DNAH14: variants seen among roughly 807,000 people sequenced by gnomAD.
DNAH14 encodes the protein dynein axonemal heavy chain 14.
A neutral mutation model predicts 520.9 loss-of-function variants in DNAH14; 478 were observed. The observed-to-expected ratio is 0.92, with a 90% CI of 0.85 to 0.99. DNAH14 has a LOEUF of 0.99. Ranked by LOEUF, DNAH14 falls within the 50% of genes least tolerant of loss-of-function variation. The pLI is 0.00. For missense variants in DNAH14, 4,831 were observed against 5,234.5 expected (o/e 0.92, Z 2.38); for synonymous variants, 1,581 against 1,757.2 (o/e 0.90, Z 2.51).
intron 23 of DNAH14, among the ~76,000 whole-genome samples, chr1:225,102,791 C>T (rs1453705324): frequency 6.6e-6 from 1 of 152,054 alleles, no homozygotes; most frequent in Non-Finnish European, 1.5e-5. Context: ...TGGATATTAG[C>T]CCTTTGTTAG....
At position 225,043,016 on chromosome 1, in the gene DNAH14, A is replaced by T; in HGVS notation, c.1670A>T (p.Asn557Ile). ...CVMFEDEMSE[N>I]KDNCVKKHSS... The stretch of plus-strand genomic sequence containing the variant: ...ATGTTTGAAGATGAAATGTCAGAAA[A>T]TAAAGACAATTGTGTCAAAAAACAC... The change falls in exon 13 of 86, where the codon AAT becomes ATT. Residue 557 changes from asparagine (N) to isoleucine (I), a missense_variant. Transcript: ENST00000682510. The T allele has an allele frequency of 6.4e-7, 1 of 1,551,874 alleles. No homozygotes were observed. Among genetic ancestry groups the T allele is most frequent in the Non-Finnish European group, 8.7e-7 (1 of 1,147,034 alleles).
intron 55 of DNAH14, among the ~76,000 whole-genome samples, chr1:225,296,340 G>A (rs2094005474): frequency 1.3e-5 from 2 of 152,232 alleles, no homozygotes; most frequent in Middle Eastern, 3.4e-3. Context: ...GATTATCGGG[G>A]TCAAACACCG....
intron 11 of DNAH14, 197 bp downstream of exon 11, chr1:225,024,062 C>T: frequency 8.3e-7 from 1 of 1,201,704 alleles, no homozygotes; most frequent in Non-Finnish European, 1.0e-6. Flanking sequence ...ATAGGATGCG[C>T]AGTAAAATTT....
intron 38 of DNAH14, 122 bp downstream of exon 38, chr1:225,193,033 T>C: frequency 1.3e-6 from 1 of 755,978 alleles, no homozygotes; most frequent in Non-Finnish European, 2.0e-6. Flanking sequence ...TTTTAAAATC[T>C]TATGAATAGT....
chr1:225,386,910 C>T (rs1276383835), intron 81 of DNAH14, among the ~76,000 whole-genome samples: 4 of 152,200 alleles, frequency 2.6e-5, no homozygotes, highest in Non-Finnish European at 5.9e-5. Flanking sequence ...ATAAAGCATG[C>T]TGCTATAATA....
intron 73 of DNAH14, 21 bp downstream of exon 73, chr1:225,353,909 A>G: frequency 7.8e-7 from 1 of 1,280,848 alleles, no homozygotes; most frequent in Non-Finnish European, 1.1e-6. Flanking sequence ...TTATGAGGAA[A>G]TATTAATATT....
intron 42 of DNAH14, among the ~76,000 whole-genome samples, chr1:225,236,944 C>T (rs1406536635): frequency 1.3e-5 from 2 of 152,016 alleles, no homozygotes; most frequent in South Asian, 2.1e-4. Flanking sequence ...ATATGTAATG[C>T]CCTTCTTTGT....
chr1:225,138,631 G>T (rs546598794), intron 27 of DNAH14, among the ~76,000 whole-genome samples: 2 of 152,190 alleles, frequency 1.3e-5, no homozygotes, highest in Non-Finnish European at 2.9e-5. Context: ...AGCCCTGGTG[G>T]CATGGGCTTA....
chr1:225,270,928 G>A (rs1000622529), intron 50 of DNAH14, 62 bp downstream of exon 50: 13 of 1,464,740 alleles, frequency 8.9e-6, no homozygotes, highest in East Asian at 5.0e-5. Flanking sequence ...GGAAAAATAC[G>A]AGAACTTAAA....
intron 69 of DNAH14, among the ~76,000 whole-genome samples, chr1:225,341,854 GC>G: frequency 6.6e-6 from 1 of 152,228 alleles, no homozygotes; most frequent in South Asian, 2.1e-4. Flanking sequence ...ACAATGGACT[GC>G]CTTTCTATTT....
At chr1:225,000,268 T>A (rs1325069979) in intron 8 of DNAH14, among the ~76,000 whole-genome samples, 1 of 152,184 alleles carries the variant, frequency 6.6e-6, no homozygotes, top group Non-Finnish European at 1.5e-5. Flanking sequence ...GTTTTTCTCC[T>A]ATGGATAAAG....
chr1:225,175,168 T>A (rs1314024073), intron 36 of DNAH14, among the ~76,000 whole-genome samples: 1 of 152,196 alleles, frequency 6.6e-6, no homozygotes, highest in African/African-American at 2.4e-5. Flanking sequence ...GGTGTTGATA[T>A]CAGAGTAATG....
chr1:225,338,215 C>T (rs757022178), intron 68 of DNAH14, 33 bp downstream of exon 68: 6 of 1,550,836 alleles, frequency 3.9e-6, no homozygotes, highest in Non-Finnish European at 5.2e-6. Context: ...AGTCAAATGT[C>T]TATGCTTTTT....
chr1:225,283,721 CA>C (rs1345118812), intron 54 of DNAH14, among the ~76,000 whole-genome samples: 1 of 152,030 alleles, frequency 6.6e-6, no homozygotes, highest in Non-Finnish European at 1.5e-5. Flanking sequence ...CTAACAACAG[CA>C]AAACACATAT....
intron 82 of DNAH14, among the ~76,000 whole-genome samples, chr1:225,389,066 T>G (rs2095873874): frequency 6.6e-6 from 1 of 152,220 alleles, no homozygotes; most frequent in Non-Finnish European, 1.5e-5. Context: ...CCACATGTAA[T>G]TTTTAAATGT....
At chr1:225,094,701 AAC>A (rs2074773670) in intron 21 of DNAH14, among the ~76,000 whole-genome samples, 4 of 138,604 alleles carry the variant, frequency 2.9e-5, no homozygotes, top group African/African-American at 3.2e-5. Flanking sequence ...CAAACAAAAA[AAC>A]GCTATCAACA....
intron 54 of DNAH14, among the ~76,000 whole-genome samples, 190 bp from the exon 55 acceptor site, chr1:225,289,695 A>G (rs1468074333): frequency 6.6e-6 from 1 of 152,126 alleles, no homozygotes; most frequent in East Asian, 1.9e-4. Flanking sequence ...TTGAAAGTGG[A>G]TGAGTGCCTT....
chr1:225,144,424 AC>A lies in DNAH14; in HGVS notation c.4537del (p.Gln1513LysfsTer37). On this transcript the variant is annotated frameshift_variant, in exon 29 of 86. Coordinates refer to ENST00000682510, the MANE Select transcript of DNAH14 (RefSeq NM_001367479.1). LOFTEE classifies it high-confidence loss of function. ...RHLQYKWNEK[Q>X]KLCYVSQGNA... ...ATTTGCAATATAAATGGAATGAAAA[AC>A]AAAAGTTGTGCTATGTGTCTCAAGG... is the stretch of plus-strand genomic sequence containing the variant. 1 of 1,551,378 alleles carries A rather than the reference AC, an allele frequency of 6.4e-7. No individual in the cohort carries two copies. Among genetic ancestry groups the A allele is most frequent in the Non-Finnish European group, 8.7e-7 (1 of 1,146,786 alleles).
intron 64 of DNAH14, among the ~76,000 whole-genome samples, chr1:225,325,955 A>C (rs1171693066): frequency 6.6e-6 from 1 of 152,202 alleles, no homozygotes; most frequent in East Asian, 1.9e-4. Flanking sequence ...AGATATATTA[A>C]AAAGGACTGG....
Sources: allele counts gnomAD v4.1 joint callset (sites outside exome capture counted in the v4.1 genomes callset), GRCh38; gene constraint gnomAD v4.1.1; transcripts MANE v1.5; gene names NCBI Gene and HGNC (gene_info 2026-07-23, HGNC 2026-07-21).